Variants in ENTPD1 observed in about 807,000 individuals in gnomAD.
The protein encoded by ENTPD1 is ectonucleoside triphosphate diphosphohydrolase 1.
A neutral mutation model predicts 57.0 loss-of-function variants in ENTPD1; 33 were observed. The ratio of observed to expected loss-of-function variants is 0.58; its 90% CI spans 0.44 to 0.77. The LOEUF (loss-of-function observed/expected upper bound fraction) is 0.77, where lower values mean the gene tolerates loss of function less well. Among genes scored for constraint, ENTPD1 ranks in the 30% least tolerant of loss-of-function variants. The pLI is 0.00. For missense variants in ENTPD1, 501 were observed against 603.4 expected, an observed-to-expected ratio of 0.83 and a Z score of 1.78; for synonymous variants, 202 against 218.8, an observed-to-expected ratio of 0.92 and a Z score of 0.68.
rs1437367952 is a variant in ENTPD1 at position 95,872,417 on chromosome 10, C to G, written c.*6034C>G. On this transcript the variant is annotated 3_prime_UTR_variant, in exon 10 of 10. Transcript: ENST00000371205. ...ACTACACTACAGCCAGGTAGAATGA[C>G]TGTTCACCCAACACCACTCAGGTTG... The G allele has an allele frequency of 1.0e-6, 1 of 985,346 alleles. No homozygotes were observed. The highest frequency in any genetic ancestry group is 1.2e-6 in the Non-Finnish European group (1 of 829,940). The allele number at this position is 985,346 out of a possible 1,614,324, so 61.0% of individuals were successfully genotyped here. A position where few individuals can be genotyped will look rare whatever the true frequency, so the allele number is the denominator to read the frequency against.
chr10:95,771,107 A>T (rs2098114549), intron 1 of ENTPD1, among the ~76,000 whole-genome samples: 1 of 151,944 alleles, frequency 6.6e-6, no homozygotes, highest in South Asian at 2.1e-4. Flanking sequence ...TATGCATACC[A>T]ATTGTAATCC....
upstream of ENTPD1, among the ~76,000 whole-genome samples, chr10:95,707,333 T>C (rs981608309): frequency 2.6e-5 from 4 of 152,240 alleles, no homozygotes; most frequent in Non-Finnish European, 5.9e-5. Context: ...GGCCTGGGTC[T>C]GCAGCCACAG....
intron 1 of ENTPD1, among the ~76,000 whole-genome samples, chr10:95,781,033 G>A (rs2098155492): frequency 6.6e-6 from 1 of 152,154 alleles, no homozygotes; most frequent in Non-Finnish European, 1.5e-5. Flanking sequence ...CAGATGAATG[G>A]ATAAAATGTG....
chr10:95,871,622 T>A lies in ENTPD1; in HGVS notation c.*5239T>A. On this transcript the variant is annotated 3_prime_UTR_variant, in exon 10 of 10. Transcript: ENST00000371205. The stretch of plus-strand genomic sequence containing the variant: ...GAGCCTTCTCTTTAGAAAAGTGGCA[T>A]TCAAGACTCTTCATTTGAAGTGAAG... The A allele has an allele frequency of 1.0e-6, 1 of 985,448 alleles. No homozygotes were observed. The highest frequency in any genetic ancestry group is 1.2e-6 in the Non-Finnish European group (1 of 829,922). The allele number at this position is 985,448 out of a possible 1,614,324, so 61.0% of individuals were successfully genotyped here.
intron 1 of ENTPD1, among the ~76,000 whole-genome samples, chr10:95,793,222 G>C (rs529209307): frequency 7.2e-5 from 11 of 152,198 alleles, no homozygotes; most frequent in Non-Finnish European, 1.5e-4. Flanking sequence ...CTTCTAAAAA[G>C]CAGGCTGATA....
chr10:95,745,489 AT>A (rs1159443088), intron 1 of ENTPD1, among the ~76,000 whole-genome samples: 1 of 152,130 alleles, frequency 6.6e-6, no homozygotes, highest in Non-Finnish European at 1.5e-5. Context: ...CAATCTTACC[AT>A]TTTTGATGAA....
intron 1 of ENTPD1, among the ~76,000 whole-genome samples, chr10:95,782,404 A>C (rs1005132560): frequency 5.3e-5 from 8 of 152,250 alleles, no homozygotes; most frequent in Non-Finnish European, 1.0e-4. Context: ...GTATGTCCAG[A>C]ATGAGGAAGG....
intron 7 of ENTPD1, among the ~76,000 whole-genome samples, chr10:95,850,618 G>C (rs947895456): frequency 6.6e-6 from 1 of 152,140 alleles, no homozygotes; most frequent in Non-Finnish European, 1.5e-5. Flanking sequence ...CAAAAATCTG[G>C]AAATTTTAAG....
chr10:95,803,243 G>C (rs1351793728), intron 1 of ENTPD1, among the ~76,000 whole-genome samples: 1 of 152,042 alleles, frequency 6.6e-6, no homozygotes, highest in Non-Finnish European at 1.5e-5. Flanking sequence ...AGATTGCTGG[G>C]TCAAATGGTA....
Position 95,868,997 on chromosome 10 carries a change from C to G in ENTPD1, c.*2614C>G, listed in dbSNP as rs1036136095. 15 of 985,208 alleles carry G rather than the reference C, an allele frequency of 1.5e-5. No homozygotes were observed. The highest frequency in any genetic ancestry group is 1.8e-5 in the Non-Finnish European group (15 of 829,934). The allele number at this position is 985,208 out of a possible 1,614,324, so 61.0% of individuals were successfully genotyped here. On this transcript the variant is annotated 3_prime_UTR_variant, in exon 10 of 10. Coordinates refer to ENST00000371205, the MANE Select transcript of ENTPD1 (RefSeq NM_001776.6). ...TTGGTTTAGAGGCAGATCCAGCAAT[C>G]TGCTTTGGGCCACTCTGGGTGGGGT...
intron 1 of ENTPD1, among the ~76,000 whole-genome samples, chr10:95,748,128 C>G (rs551920443): frequency 1.3e-5 from 2 of 152,322 alleles, no homozygotes; most frequent in African/African-American, 4.8e-5. Flanking sequence ...CCACCTCGGC[C>G]TCCCAAAGTG....
chr10:95,730,350 A>G (rs1031529067), intron 1 of ENTPD1, among the ~76,000 whole-genome samples: 7 of 152,104 alleles, frequency 4.6e-5, no homozygotes, highest in African/African-American at 1.2e-4. Context: ...CCACTGTGCC[A>G]GTATTTCCCA....
intron 1 of ENTPD1, among the ~76,000 whole-genome samples, chr10:95,793,210 T>C (rs1450863237): frequency 4.6e-5 from 7 of 152,256 alleles, no homozygotes; most frequent in Admixed American, 4.6e-4. Flanking sequence ...GAACTAGGAC[T>C]GCTTCTAAAA....
intron 1 of ENTPD1, among the ~76,000 whole-genome samples, chr10:95,774,611 T>TA (rs2098126900): frequency 6.6e-6 from 1 of 152,248 alleles, no homozygotes. Flanking sequence ...TTCTTGTTTT[T>TA]ATCAGGTTTG....
intron 1 of ENTPD1, among the ~76,000 whole-genome samples, chr10:95,800,013 G>A (rs1191850732): frequency 6.6e-6 from 1 of 152,044 alleles, no homozygotes; most frequent in African/African-American, 2.4e-5. Context: ...ATTTCTTATG[G>A]ATGTCAGATA....
At chr10:95,720,988 G>A (rs1306410484) in intron 1 of ENTPD1, among the ~76,000 whole-genome samples, 4 of 152,210 alleles carry the variant, frequency 2.6e-5, no homozygotes, top group African/African-American at 7.2e-5. Flanking sequence ...AGGTTGCCAA[G>A]TTCAATAGGG....
chr10:95,849,687 G>C (rs571926861), intron 7 of ENTPD1, among the ~76,000 whole-genome samples: 1 of 152,360 alleles, frequency 6.6e-6, no homozygotes, highest in South Asian at 2.1e-4. Context: ...CAAGGTTCCT[G>C]AGGGAAATAC....
At chr10:95,751,300 A>G (rs897241487), upstream of ENTPD1, among the ~76,000 whole-genome samples, 1 of 152,222 alleles carries the variant, frequency 6.6e-6, no homozygotes, top group Non-Finnish European at 1.5e-5. Context: ...GAGGAGATGA[A>G]TTTGAGAGAT....
At chr10:95,842,202 A>G (rs2098423967) in intron 3 of ENTPD1, 142 bp from the exon 4 acceptor site, 1 of 750,130 alleles carries the variant, frequency 1.3e-6, no homozygotes, top group African/African-American at 1.8e-5. Flanking sequence ...ATTACCCTCT[A>G]AGTACAATAA....
Sources: allele counts gnomAD v4.1 joint callset (sites outside exome capture counted in the v4.1 genomes callset), GRCh38; gene constraint gnomAD v4.1.1; transcripts MANE v1.5; gene names NCBI Gene and HGNC (gene_info 2026-07-23, HGNC 2026-07-21).